MTOR: variants seen among roughly 807,000 people sequenced by gnomAD.
MTOR encodes mechanistic target of rapamycin kinase.
MTOR carries 70 observed loss-of-function variants against 319.8 expected under a neutral mutation model. That is an observed-to-expected ratio of 0.22 (90% CI 0.18 to 0.27). The LOEUF is 0.27. MTOR is among the 10% of genes least tolerant of loss of function. MTOR has a pLI of 1.00. For missense variants in MTOR, 1,890 were observed against 3,274.4 expected, an observed-to-expected ratio of 0.58 and a Z score of 10.32; for synonymous variants, 1,183 against 1,211.4, an observed-to-expected ratio of 0.98 and a Z score of 0.49.
chr1:11,139,571 G>A lies in MTOR; in HGVS notation c.4960C>T (p.Leu1654Phe). The change falls in exon 35 of 58, where the codon CTC (leucine) becomes TTC (phenylalanine). Residue 1654 changes from leucine (L) to phenylalanine (F), a missense_variant. Around this residue, in one of 15 missense-constraint regions of MTOR, gnomAD observed 276 missense variants for 459.4 expected, o/e 0.60. Coordinates refer to ENST00000361445, the MANE Select transcript of MTOR (RefSeq NM_004958.4). ...TTGCCGCACAGGCTTGCATACTTGAGCCAGGTTCTCATGTCTTCATGAGGG... is the reference window on the plus strand; with the variant it reads ...TTGCCGCACAGGCTTGCATACTTGAACCAGGTTCTCATGTCTTCATGAGGG... ...VSPHEDMRTW[L>F]KYASLCGKSG... The A allele has an allele frequency of 6.2e-7, 1 of 1,614,176 alleles. No homozygotes were observed. The highest frequency in any genetic ancestry group is 1.7e-5 in the Admixed American group (1 of 60,018).
intron 20 of MTOR, among the ~76,000 whole-genome samples, chr1:11,214,048 C>A (rs918244565): frequency 6.6e-6 from 1 of 152,222 alleles, no homozygotes; most frequent in African/African-American, 2.4e-5. Flanking sequence ...TCCCCAGAAT[C>A]TATCAATCAG....
At chr1:11,251,379 G>A (rs902020865) in intron 6 of MTOR, among the ~76,000 whole-genome samples, 12 of 152,160 alleles carry the variant, frequency 7.9e-5, no homozygotes, top group Admixed American at 2.0e-4. Flanking sequence ...AAATAGCACC[G>A]TGTTTTAAAA....
chr1:11,163,662 A>G (rs1261227364), intron 29 of MTOR, among the ~76,000 whole-genome samples: 1 of 152,228 alleles, frequency 6.6e-6, no homozygotes, highest in Non-Finnish European at 1.5e-5. Context: ...TGGAAACTGA[A>G]CAACCTGCTC....
intron 28 of MTOR, among the ~76,000 whole-genome samples, chr1:11,172,496 C>A (rs1174110363): frequency 7.2e-6 from 1 of 138,394 alleles, no homozygotes; most frequent in East Asian, 2.2e-4. Context: ...AGAGGTGGAG[C>A]TTGCTGTGAG....
At chr1:11,232,409 G>A (rs375229341) in intron 16 of MTOR, 27 bp downstream of exon 16, 27 of 1,572,702 alleles carry the variant, frequency 1.7e-5, no homozygotes, top group Non-Finnish European at 2.3e-5. Flanking sequence ...GGTCTGTCTT[G>A]CTCAATCAGG....
At chr1:11,222,815 A>G (rs983246572) in intron 19 of MTOR, among the ~76,000 whole-genome samples, 2 of 152,086 alleles carry the variant, frequency 1.3e-5, no homozygotes, top group Non-Finnish European at 2.9e-5. Flanking sequence ...GCAGTCCCTA[A>G]TCAAATAACA....
Position 11,109,843 on chromosome 1 carries a change from A to C in MTOR, c.7367-114T>G. On this transcript the variant is annotated intron_variant, in intron 54 of 57. Coordinates refer to ENST00000361445, the MANE Select transcript of MTOR (RefSeq NM_004958.4). This position sits in a 1 kb window ranked among gnomAD's most constrained non-coding sequence, Gnocchi z 4.0. ...CTTTAACGCCTGCCCTACCTACCCT[A>C]AAGGGGAAAAGAGAAGGAAAGTTTT... 1 of 843,348 alleles carries C rather than the reference A, an allele frequency of 1.2e-6. No individual in the cohort carries two copies. The highest frequency in any genetic ancestry group is 1.4e-5 in the South Asian group (1 of 69,422). The allele number at this position is 843,348 out of a possible 1,614,324, so 52.2% of individuals were successfully genotyped here.
In MTOR at chr1:11,228,604, C is replaced by G. The variant is rs186995791; in HGVS notation, c.3030+64G>C. The G allele has an allele frequency of 1.8e-3, 2,784 of 1,573,688 alleles. 4 individuals carry two copies. Among genetic ancestry groups the G allele is most frequent in the Non-Finnish European group, 2.3e-3 (2,687 of 1,158,548 alleles). On this transcript the variant is annotated intron_variant, in intron 19 of 57. Transcript: ENST00000361445. Reference sequence around the variant, plus strand: ...AATGCACAATTAAGAAGCTGAAGCACAGATGGATCTGTGCATGTGTGGTGC... The same window carrying G: ...AATGCACAATTAAGAAGCTGAAGCAGAGATGGATCTGTGCATGTGTGGTGC...
intron 29 of MTOR, among the ~76,000 whole-genome samples, chr1:11,163,160 A>C (rs1290359575): frequency 2.0e-5 from 3 of 152,230 alleles, no homozygotes; most frequent in Non-Finnish European, 4.4e-5. Context: ...AACAGACTTT[A>C]AACCAACAAA....
intron 30 of MTOR, chr1:11,152,229 G>A (rs1475815935): frequency 6.6e-6 from 1 of 152,172 alleles, no homozygotes; most frequent in African/African-American, 2.4e-5. Context: ...ATTGTTTATG[G>A]GGCAACAACT....
intron 56 of MTOR, 52 bp from the exon 57 acceptor site, chr1:11,108,338 C>T: frequency 7.2e-7 from 1 of 1,392,210 alleles, no homozygotes; most frequent in Non-Finnish European, 1.0e-6. Flanking sequence ...AATCGATGCA[C>T]TTCTTGTTCC....
chr1:11,121,158 G>T lies in MTOR; in HGVS notation c.6933+88C>A, dbSNP rs755924540. The T allele has an allele frequency of 1.3e-5, 20 of 1,549,520 alleles. No homozygotes were observed. In the South Asian group the frequency reaches 1.6e-4, roughly 13 times the overall value. The stretch of plus-strand genomic sequence containing the variant: ...CAGCCAATCACAGCAAAGAAGAGCC[G>T]CTGTGTGCACATGAACAGATGGGAG... On this transcript the variant is annotated intron_variant, in intron 49 of 57. Transcript: ENST00000361445. The surrounding 1 kb of genome is among the most constrained non-coding windows in gnomAD (Gnocchi z 4.9).
rs373005212 is a variant in MTOR, at chr1:11,158,665, T to G, written c.4330-1374A>C. 3.2e-4 allele frequency among the ~76,000 whole-genome samples: 49 copies of G among 151,886 alleles called. No individual in the cohort carries two copies. The South Asian group carries it at 8.1e-3, about 25-fold the overall frequency. ...CTTAGAAAAGAGTGACTACAAAAACTGTAAAATTTAAAAGCACTGGTAGAT... is the reference window on the plus strand; with the variant it reads ...CTTAGAAAAGAGTGACTACAAAAACGGTAAAATTTAAAAGCACTGGTAGAT... On this transcript the variant is annotated intron_variant, in intron 29 of 57. Transcript: ENST00000361445.
chr1:11,120,227 C>A (rs566809398), intron 49 of MTOR, among the ~76,000 whole-genome samples: 3 of 151,840 alleles, frequency 2.0e-5, no homozygotes, highest in Admixed American at 2.0e-4. Flanking sequence ...CCATGCCCGG[C>A]TAATTTTTTT....
intron 47 of MTOR, 78 bp from the exon 48 acceptor site, chr1:11,122,204 G>GC (rs1642567046): frequency 5.1e-6 from 7 of 1,375,290 alleles, no homozygotes; most frequent in Non-Finnish European, 6.9e-6. Context: ...CAGGCAGACT[G>GC]TTTTTTTTTT....
intron 19 of MTOR, among the ~76,000 whole-genome samples, chr1:11,216,643 C>T (rs996435750): frequency 4.5e-5 from 6 of 133,380 alleles, no homozygotes; most frequent in Non-Finnish European, 8.3e-5. Flanking sequence ...CAGGGTGAGA[C>T]CCTGTCTCTT....
rs200753449 is a variant in MTOR, at chr1:11,259,370, T to C, written c.40A>G (p.Thr14Ala). The change falls in exon 2 of 58, where the codon ACC becomes GCC. Residue 14 changes from threonine (T) to alanine (A), a missense_variant. Transcript: ENST00000361445. ...AGGACGCTCACATTGCTAGATGTGG[T>C]GGCAGCGGTGGTGGCGGCGGCAGGT... ...TGPAAATTAA[T>A]TSSNVSVLQQ... The C allele has an allele frequency of 6.3e-7, 1 of 1,598,014 alleles. No homozygotes were observed. The highest frequency in any genetic ancestry group is 2.3e-5 in the East Asian group (1 of 44,320).
rs1192800837 is a variant in MTOR, at chr1:11,139,190, G to T, written c.5130+114C>A. 1.1e-5 allele frequency: 15 copies of T among 1,384,458 alleles called. No individual in the cohort carries two copies. The Admixed American group carries it at 3.0e-4, about 28-fold the overall frequency. 85.8% of individuals were successfully genotyped at this position (1,384,458 alleles called of 1,614,324 possible). A position where few individuals can be genotyped will look rare whatever the true frequency, so the allele number is the denominator to read the frequency against. On this transcript the variant is annotated intron_variant, in intron 36 of 57. Coordinates refer to ENST00000361445, the MANE Select transcript of MTOR (RefSeq NM_004958.4). ...TAACAGGAAGAGACTCCCTGACATT[G>T]TGAGTAGGTGGTTTAAACACTGTTT...
chr1:11,110,522 G>A (rs1353309142), intron 54 of MTOR, among the ~76,000 whole-genome samples: 3 of 151,738 alleles, frequency 2.0e-5, no homozygotes, highest in Non-Finnish European at 4.4e-5. Flanking sequence ...CCTGCCTCCC[G>A]AGTAGCTGGG....
Sources: gnomAD v4.1 joint callset for allele counts (sites outside exome capture counted in the v4.1 genomes callset) on GRCh38, gnomAD v4.1.1 for gene constraint, gnomAD v4.1.1 regional missense constraint, Gnocchi (gnomAD v3.1) non-coding constraint, MANE v1.5 for transcripts, NCBI Gene and HGNC (gene_info 2026-07-23, HGNC 2026-07-21) for gene names.